Variants in CNTN4 observed in about 807,000 individuals in gnomAD.
CNTN4 encodes the protein contactin-4.
In CNTN4, 77 loss-of-function variants were observed where a neutral mutation model predicts 122.5. The observed-to-expected ratio is 0.63, with a 90% CI of 0.52 to 0.76. The LOEUF is 0.76. Ranked by LOEUF, CNTN4 falls within the 30% of genes least tolerant of loss-of-function variation. The pLI is 0.00. For missense variants in CNTN4, 1,256 were observed against 1,259.1 expected (o/e 1.00, Z 0.04); for synonymous variants, 512 against 447.0 (o/e 1.15, Z -1.83).
At chr3:2,703,121 A>G (rs1167694955) in intron 4 of CNTN4, among the ~76,000 whole-genome samples, 3 of 152,220 alleles carry the variant, frequency 2.0e-5, no homozygotes, top group Admixed American at 2.0e-4. Flanking sequence ...ACAGAGGACG[A>G]AACGGAGGCA....
At chr3:2,956,785 C>T (rs2094803595) in intron 13 of CNTN4, among the ~76,000 whole-genome samples, 1 of 152,074 alleles carries the variant, frequency 6.6e-6, no homozygotes, top group Admixed American at 6.6e-5. Flanking sequence ...CCAACATCTT[C>T]CTATTTATTT....
chr3:2,980,826 C>A (rs983313504), intron 13 of CNTN4, among the ~76,000 whole-genome samples: 2 of 152,060 alleles, frequency 1.3e-5, no homozygotes, highest in Non-Finnish European at 2.9e-5. Flanking sequence ...TTACATGGGG[C>A]CCAAAGATTG....
intron 13 of CNTN4, among the ~76,000 whole-genome samples, chr3:2,938,827 C>A (rs1299928068): frequency 6.6e-6 from 1 of 152,140 alleles, no homozygotes; most frequent in Non-Finnish European, 1.5e-5. Context: ...CTCAGCCGTG[C>A]CTTTGTTCAG....
At chr3:2,956,095 T>G (rs1165920833) in intron 13 of CNTN4, among the ~76,000 whole-genome samples, 4 of 152,192 alleles carry the variant, frequency 2.6e-5, no homozygotes, top group Non-Finnish European at 5.9e-5. Context: ...AGTGGAATAT[T>G]TTCCAGCCTT....
At chr3:2,939,880 C>T (rs1228285176) in intron 13 of CNTN4, among the ~76,000 whole-genome samples, 1 of 152,240 alleles carries the variant, frequency 6.6e-6, no homozygotes, top group East Asian at 1.9e-4. Context: ...TCCCAGCTCT[C>T]TGTTCAGCGA....
At chr3:2,284,295 A>G (rs2041829158) in intron 2 of CNTN4, among the ~76,000 whole-genome samples, 1 of 152,168 alleles carries the variant, frequency 6.6e-6, no homozygotes, top group South Asian at 2.1e-4. Context: ...ACTGTGCTGC[A>G]AGGATGCAAA....
chr3:2,294,368 C>T (rs985227943), intron 2 of CNTN4, among the ~76,000 whole-genome samples: 3 of 149,596 alleles, frequency 2.0e-5, no homozygotes, highest in African/African-American at 2.5e-5. Context: ...CGGTGGCTCA[C>T]GCCTGTAATC....
chr3:2,122,026 G>GA (rs540527059), intron 2 of CNTN4, among the ~76,000 whole-genome samples: 1 of 151,858 alleles, frequency 6.6e-6, no homozygotes, highest in Non-Finnish European at 1.5e-5. Context: ...CGTGGTGGCG[G>GA]CGCCTGTAGT....
chr3:2,343,198 T>G (rs1253184052), intron 3 of CNTN4, among the ~76,000 whole-genome samples: 2 of 152,140 alleles, frequency 1.3e-5, no homozygotes, highest in African/African-American at 4.8e-5. Flanking sequence ...TTGCACTGAC[T>G]TCCTACAACT....
intron 3 of CNTN4, among the ~76,000 whole-genome samples, chr3:2,453,959 T>C (rs1317305429): frequency 2.0e-5 from 3 of 152,166 alleles, no homozygotes; most frequent in African/African-American, 7.2e-5. Context: ...ACTTTCATGA[T>C]GGGAATATGA....
chr3:2,449,765 A>T (rs1017189434), intron 3 of CNTN4, among the ~76,000 whole-genome samples: 17 of 152,202 alleles, frequency 1.1e-4, no homozygotes, highest in African/African-American at 3.9e-4. Flanking sequence ...GTTCTGTCTT[A>T]AAAAATAATG....
chr3:2,547,736 C>G (rs1179662087), intron 3 of CNTN4, among the ~76,000 whole-genome samples: 1 of 152,044 alleles, frequency 6.6e-6, no homozygotes. Context: ...AATTGTGAAC[C>G]TCCTTTAGAA....
intron 2 of CNTN4, among the ~76,000 whole-genome samples, chr3:2,313,221 C>A (rs544180503): frequency 3.4e-4 from 51 of 151,740 alleles, no homozygotes; most frequent in Non-Finnish European, 6.6e-4. Context: ...ACTGTTTAAA[C>A]GTCTTGTACA....
At chr3:3,046,592 A>C (rs563515642) in intron 23 of CNTN4, among the ~76,000 whole-genome samples, 12 of 152,258 alleles carry the variant, frequency 7.9e-5, no homozygotes, top group African/African-American at 2.6e-4. Context: ...AGATTTTGTC[A>C]CCACCAGGCC....
At chr3:2,953,432 G>GTT (rs367995011) in intron 13 of CNTN4, among the ~76,000 whole-genome samples, 10 of 146,354 alleles carry the variant, frequency 6.8e-5, no homozygotes, top group Admixed American at 2.7e-4. Flanking sequence ...TAGGCCCCTG[G>GTT]TTTTTTTTTT....
chr3:2,963,430 G>A (rs1448303982), intron 13 of CNTN4, among the ~76,000 whole-genome samples: 1 of 152,074 alleles, frequency 6.6e-6, no homozygotes, highest in Non-Finnish European at 1.5e-5. Flanking sequence ...CTTATTACAT[G>A]ATCTAGCCCA....
At chr3:2,195,671 C>T (rs2037801702) in intron 2 of CNTN4, among the ~76,000 whole-genome samples, 1 of 152,118 alleles carries the variant, frequency 6.6e-6, no homozygotes, top group African/African-American at 2.4e-5. Context: ...GTTCTGATTC[C>T]AGAATATCGG....
intron 3 of CNTN4, among the ~76,000 whole-genome samples, chr3:2,506,360 G>T (rs1252962686): frequency 3.3e-5 from 5 of 152,306 alleles, no homozygotes; most frequent in East Asian, 1.9e-4. Flanking sequence ...TGAAAAAGCC[G>T]ATTATAAATA....
intron 2 of CNTN4, among the ~76,000 whole-genome samples, chr3:2,187,617 T>G (rs984580616): frequency 3.9e-5 from 6 of 152,164 alleles, no homozygotes; most frequent in Non-Finnish European, 8.8e-5. Flanking sequence ...TTCTGCCGGG[T>G]TCCGTCTTAG....
Sources: allele counts gnomAD v4.1 joint callset (sites outside exome capture counted in the v4.1 genomes callset), GRCh38; gene constraint gnomAD v4.1.1; transcripts MANE v1.5; gene names NCBI Gene and HGNC (gene_info 2026-07-23, HGNC 2026-07-21).